Variants in GNAQ observed in about 807,000 individuals in gnomAD.
GNAQ encodes G protein subunit alpha q, also known as guanine nucleotide-binding protein G(q) subunit alpha.
In GNAQ, 8 loss-of-function variants were observed where a neutral mutation model predicts 43.9. The observed-to-expected ratio is 0.18, with a 90% CI of 0.11 to 0.33. The LOEUF (loss-of-function observed/expected upper bound fraction) is 0.33, where lower values mean the gene tolerates loss of function less well. Among genes scored for constraint, GNAQ ranks in the 10% least tolerant of loss-of-function variants. The probability of loss-of-function intolerance (pLI) is 1.00; values close to 1 mark genes in which losing one functional copy is unlikely to be tolerated. For missense variants in GNAQ, 158 were observed against 450.8 expected, an observed-to-expected ratio of 0.35 and a Z score of 5.88; for synonymous variants, 155 against 170.7, an observed-to-expected ratio of 0.91 and a Z score of 0.71.
chr9:77,939,243 TGA>T, intron 1 of GNAQ, among the ~76,000 whole-genome samples: 1 of 152,318 alleles, frequency 6.6e-6, no homozygotes, highest in East Asian at 1.9e-4. Flanking sequence ...GCAATGGCCA[TGA>T]AACTCTACCT....
intron 5 of GNAQ, among the ~76,000 whole-genome samples, chr9:77,785,296 GT>G (rs915298683): frequency 5.9e-5 from 9 of 152,202 alleles, no homozygotes; most frequent in African/African-American, 1.7e-4. Context: ...AATGCCAACA[GT>G]CACCAGAAGC....
At chr9:77,942,244 G>T (rs1029407601) in intron 1 of GNAQ, among the ~76,000 whole-genome samples, 2 of 152,068 alleles carry the variant, frequency 1.3e-5, no homozygotes, top group African/African-American at 4.8e-5. Flanking sequence ...GGTAGTTTGG[G>T]GCTGTACTTG....
intron 2 of GNAQ, among the ~76,000 whole-genome samples, chr9:77,868,735 C>T (rs745787245): frequency 5.9e-5 from 9 of 152,158 alleles, no homozygotes; most frequent in African/African-American, 9.7e-5. Flanking sequence ...GCAGAGATTG[C>T]GGTGAGCCGA....
chr9:78,029,854 A>G (rs1243769080), intron 1 of GNAQ, among the ~76,000 whole-genome samples: 1 of 152,220 alleles, frequency 6.6e-6, no homozygotes, highest in Non-Finnish European at 1.5e-5. Flanking sequence ...TTTATTATAC[A>G]TGCAAATACC....
intron 2 of GNAQ, among the ~76,000 whole-genome samples, chr9:77,838,663 C>G (rs1827434508): frequency 6.6e-6 from 1 of 152,020 alleles, no homozygotes. Context: ...GGTGATCCAC[C>G]CACCTCGGCC....
chr9:77,753,583 T>C (rs1825851838), intron 5 of GNAQ, among the ~76,000 whole-genome samples: 1 of 152,182 alleles, frequency 6.6e-6, no homozygotes, highest in African/African-American at 2.4e-5. Flanking sequence ...CCCATAAACA[T>C]ATTCCTAAGA....
At chr9:77,762,445 T>C (rs1338263955) in intron 5 of GNAQ, among the ~76,000 whole-genome samples, 2 of 125,550 alleles carry the variant, frequency 1.6e-5, no homozygotes, top group East Asian at 2.6e-4. Context: ...GCCCCCCGCC[T>C]GGCCAGCCGC....
At chr9:77,959,606 T>C (rs1468453297) in intron 1 of GNAQ, among the ~76,000 whole-genome samples, 1 of 152,240 alleles carries the variant, frequency 6.6e-6, no homozygotes, top group Admixed American at 6.5e-5. Context: ...AATATTTTTA[T>C]CAAAACATTA....
In GNAQ at chr9:77,807,169, G is replaced by T. The variant is rs144349386; in HGVS notation, c.476+8447C>A. On this transcript the variant is annotated intron_variant, in intron 3 of 6. Coordinates refer to ENST00000286548, the MANE Select transcript of GNAQ (RefSeq NM_002072.5). ...GACTTTAACCTGATAATGAACTCAA[G>T]AATACCAGAGTCAGCAAGGCTTCTT... Among the ~76,000 whole-genome samples, 38 of 152,246 alleles carry T rather than the reference G, an allele frequency of 2.5e-4. 1 individual carries two copies. In the East Asian group the frequency reaches 7.3e-3, roughly 29 times the overall value.
intron 1 of GNAQ, among the ~76,000 whole-genome samples, chr9:77,924,984 T>C (rs1293473892): frequency 1.3e-5 from 2 of 151,958 alleles, no homozygotes; most frequent in Non-Finnish European, 2.9e-5. Context: ...TTTATTCTCC[T>C]AGCTTCCTCG....
At chr9:77,910,441 A>G (rs1828780887) in intron 2 of GNAQ, among the ~76,000 whole-genome samples, 1 of 152,222 alleles carries the variant, frequency 6.6e-6, no homozygotes, top group Non-Finnish European at 1.5e-5. Context: ...AACCAAGAAC[A>G]GCCAAATGAC....
intron 5 of GNAQ, among the ~76,000 whole-genome samples, chr9:77,763,144 A>ACAAAC (rs112579428): frequency 9.4e-5 from 12 of 127,160 alleles, no homozygotes; most frequent in African/African-American, 3.2e-4. Flanking sequence ...AAACAAACAA[A>ACAAAC]AAAAAAAAAA....
intron 2 of GNAQ, among the ~76,000 whole-genome samples, chr9:77,871,668 C>T (rs1828040370): frequency 6.6e-6 from 1 of 152,104 alleles, no homozygotes; most frequent in South Asian, 2.1e-4. Context: ...CCTCACCATG[C>T]TTTGTTCCAA....
chr9:77,944,038 T>C (rs1829352506), intron 1 of GNAQ, among the ~76,000 whole-genome samples: 1 of 151,644 alleles, frequency 6.6e-6, no homozygotes, highest in Admixed American at 6.5e-5. Flanking sequence ...AGAAGAACAT[T>C]CAATAGTGAG....
At chr9:78,001,531 C>T (rs1823644037) in intron 1 of GNAQ, among the ~76,000 whole-genome samples, 1 of 152,006 alleles carries the variant, frequency 6.6e-6, no homozygotes, top group Admixed American at 6.5e-5. Context: ...AGGATACTCT[C>T]AGTCAGCAGA....
intron 5 of GNAQ, among the ~76,000 whole-genome samples, chr9:77,745,614 A>C (rs4989028): frequency 0.61 from 91,749 of 151,486 alleles, 29,506 homozygotes; most frequent in Middle Eastern, 0.73. Flanking sequence ...ACACACACAA[A>C]AAAAAAATCT....
intron 5 of GNAQ, among the ~76,000 whole-genome samples, chr9:77,785,842 G>T (rs77924026): frequency 1.3e-5 from 2 of 152,020 alleles, no homozygotes; most frequent in African/African-American, 4.8e-5. Flanking sequence ...TATTTGACGG[G>T]CTGATCTTAA....
At chr9:77,796,550 A>G (rs1826662013) in intron 4 of GNAQ, among the ~76,000 whole-genome samples, 1 of 152,198 alleles carries the variant, frequency 6.6e-6, no homozygotes, top group Admixed American at 6.5e-5. Context: ...CATCCTAAAA[A>G]CAAAACAACA....
chr9:77,734,600 C>A (rs925366474), intron 5 of GNAQ, among the ~76,000 whole-genome samples: 8 of 152,092 alleles, frequency 5.3e-5, no homozygotes, highest in African/African-American at 1.9e-4. Flanking sequence ...TAAAACTTTC[C>A]AGGGTGCAGA....
Sources: allele counts gnomAD v4.1 joint callset (sites outside exome capture counted in the v4.1 genomes callset), GRCh38; gene constraint gnomAD v4.1.1; transcripts MANE v1.5; gene names NCBI Gene and HGNC (gene_info 2026-07-23, HGNC 2026-07-21).